PSME3IP1: variants seen among roughly 807,000 people sequenced by gnomAD.
PSME3IP1 encodes the protein PSME3-interacting protein.
Under a neutral mutation model 34.1 loss-of-function variants are expected in PSME3IP1, and 13 were observed. That is an observed-to-expected ratio of 0.38 (90% confidence interval 0.25 to 0.61). PSME3IP1 has a LOEUF of 0.61. PSME3IP1 is among the 20% of genes least tolerant of loss of function. The pLI is 0.60. For missense variants in PSME3IP1, 237 were observed against 301.4 expected, an observed-to-expected ratio of 0.79 and a Z score of 1.58; for synonymous variants, 93 against 114.3, an observed-to-expected ratio of 0.81 and a Z score of 1.19.
At position 57,186,039 on chromosome 16, in the gene PSME3IP1, T is replaced by C; in HGVS notation, c.-234A>G. 4 of 984,972 alleles carry C rather than the reference T, an allele frequency of 4.1e-6. No individual in the cohort carries two copies. The highest frequency in any genetic ancestry group is 3.6e-6 in the Non-Finnish European group (3 of 829,890). The allele number at this position is 984,972 out of a possible 1,614,324, so 61.0% of individuals were successfully genotyped here. On this transcript the variant is annotated 5_prime_UTR_variant, in exon 1 of 7. Transcript: ENST00000309137. ...GGCTTCCTGTTCCTCACCGCCACAA[T>C]AGAGTCCCGCCCCACTTCCGGCGAC...
Position 57,153,989 on chromosome 16 carries a change from C to T in PSME3IP1, c.*301G>A. 1 of 359,888 alleles carries T rather than the reference C, an allele frequency of 2.8e-6. No homozygotes were observed. Among genetic ancestry groups the T allele is most frequent in the Non-Finnish European group, 5.1e-6 (1 of 196,822 alleles). The allele number at this position is 359,888 out of a possible 1,614,324, so 22.3% of individuals were successfully genotyped here. ...AAACCCTTTGGCAAGCCAGCCGGTG[C>T]CTATTCTCCTGGGGCATTTTTAGTG... is the stretch of plus-strand genomic sequence containing the variant. On this transcript the variant is annotated 3_prime_UTR_variant, in exon 7 of 7. Coordinates refer to ENST00000309137, the MANE Select transcript of PSME3IP1 (RefSeq NM_024946.4).
intron 6 of PSME3IP1, 62 bp downstream of exon 6, chr16:57,163,939 A>G: frequency 6.8e-7 from 1 of 1,465,830 alleles, no homozygotes; most frequent in Non-Finnish European, 9.6e-7. Context: ...AATGCATTAC[A>G]GCCCTTTACT....
At chr16:57,174,438 T>C (rs1490714657) in intron 1 of PSME3IP1, 1 of 985,276 alleles carries the variant, frequency 1.0e-6, no homozygotes, top group African/African-American at 1.7e-5. Context: ...TAATTCTTAT[T>C]ACCTGGTGTT....
chr16:57,174,066 C>T (rs1297507184), intron 1 of PSME3IP1, 197 bp from the exon 2 acceptor site: 4 of 503,362 alleles, frequency 7.9e-6, no homozygotes, highest in African/African-American at 3.9e-5. Flanking sequence ...GAGGCCGAGG[C>T]GCATGGATCA....
chr16:57,172,667 C>A, intron 3 of PSME3IP1, 109 bp downstream of exon 3: 1 of 926,014 alleles, frequency 1.1e-6, no homozygotes, highest in African/African-American at 1.6e-5. Flanking sequence ...TCCGGAGACT[C>A]GAAAATCAAG....
chr16:57,157,306 C>T (rs546812238), intron 6 of PSME3IP1, among the ~76,000 whole-genome samples: 1 of 138,354 alleles, frequency 7.2e-6, no homozygotes, highest in East Asian at 2.4e-4. Flanking sequence ...GAGCGAGAAC[C>T]TATCTCCAAA....
intron 6 of PSME3IP1, among the ~76,000 whole-genome samples, chr16:57,163,377 T>C (rs1181614563): frequency 5.3e-5 from 8 of 152,174 alleles, no homozygotes; most frequent in African/African-American, 7.2e-5. Flanking sequence ...GAGAAATTAA[T>C]GTAAGCCCTG....
chr16:57,185,799 C>T, intron 1 of PSME3IP1, 22 bp downstream of exon 1: 2 of 985,508 alleles, frequency 2.0e-6, no homozygotes. Context: ...CGCCGCCAGG[C>T]CAGGACCGAG....
intron 1 of PSME3IP1, among the ~76,000 whole-genome samples, chr16:57,185,344 G>A (rs1214401875): frequency 6.6e-6 from 1 of 152,184 alleles, no homozygotes; most frequent in East Asian, 1.9e-4. Context: ...CGGGCCAGCT[G>A]GCTTGTTTTC....
At chr16:57,159,114 TG>T (rs1240694900) in intron 6 of PSME3IP1, among the ~76,000 whole-genome samples, 1 of 152,168 alleles carries the variant, frequency 6.6e-6, no homozygotes, top group Non-Finnish European at 1.5e-5. Flanking sequence ...AGAGTGCCTG[TG>T]GGGGTAGAGA....
chr16:57,157,069 AG>A (rs1376027186), intron 6 of PSME3IP1, among the ~76,000 whole-genome samples: 1 of 152,188 alleles, frequency 6.6e-6, no homozygotes, highest in Admixed American at 6.5e-5. Context: ...GCACTTTGGG[AG>A]GCCAAGGCAG....
chr16:57,155,537 T>G (rs748386348), intron 6 of PSME3IP1, among the ~76,000 whole-genome samples: 3 of 151,890 alleles, frequency 2.0e-5, no homozygotes, highest in Non-Finnish European at 4.4e-5. Flanking sequence ...GGAGGCCAAG[T>G]TGGGTGGATC....
chr16:57,168,803 CAAAAAAAAAAAAA>C (rs1189721344), intron 4 of PSME3IP1, among the ~76,000 whole-genome samples: 3 of 23,900 alleles, frequency 1.3e-4, no homozygotes, highest in South Asian at 1.9e-3. Context: ...AACTCTGTCT[CAAAAAAAAAAAAA>C]AAAAAAAAAA....
chr16:57,167,268 C>G, intron 4 of PSME3IP1, 42 bp from the exon 5 acceptor site: 1 of 1,612,752 alleles, frequency 6.2e-7, no homozygotes, highest in South Asian at 1.1e-5. Context: ...AAAGGGAAGA[C>G]AACAAATATA....
intron 1 of PSME3IP1, among the ~76,000 whole-genome samples, chr16:57,179,698 T>C (rs150951116): frequency 1.3e-5 from 2 of 152,338 alleles, no homozygotes; most frequent in East Asian, 3.9e-4. Context: ...ATTAATTAGA[T>C]TGTACATGTT....
chr16:57,184,107 C>T (rs1250503062), intron 1 of PSME3IP1, among the ~76,000 whole-genome samples: 1 of 151,894 alleles, frequency 6.6e-6, no homozygotes, highest in Non-Finnish European at 1.5e-5. Flanking sequence ...CTAAAAATTG[C>T]AATATATGAT....
At chr16:57,180,721 T>C (rs758824734) in intron 1 of PSME3IP1, among the ~76,000 whole-genome samples, 15 of 151,986 alleles carry the variant, frequency 9.9e-5, no homozygotes, top group Middle Eastern at 3.2e-3. Context: ...CTGGGCAAGA[T>C]GGTGAGACCC....
chr16:57,169,912 T>A (rs775107521), intron 4 of PSME3IP1, among the ~76,000 whole-genome samples: 1 of 151,950 alleles, frequency 6.6e-6, no homozygotes. Context: ...TCAGCCTCAA[T>A]CCTACAGTTG....
At chr16:57,167,287 G>A (rs1256841341) in intron 4 of PSME3IP1, 61 bp from the exon 5 acceptor site, 2 of 1,591,268 alleles carry the variant, frequency 1.3e-6, no homozygotes, top group Non-Finnish European at 1.7e-6. Flanking sequence ...TAACCCACTA[G>A]CCCTTCGGCT....
Sources: allele counts gnomAD v4.1 joint callset (sites outside exome capture counted in the v4.1 genomes callset), GRCh38; gene constraint gnomAD v4.1.1; transcripts MANE v1.5; gene names NCBI Gene and HGNC (gene_info 2026-07-23, HGNC 2026-07-21).